The following THSD7B variants were observed in gnomAD, a reference collection of about 807,000 sequenced individuals.
THSD7B encodes thrombospondin type 1 domain containing 7B, also known as thrombospondin type-1 domain-containing protein 7B.
In THSD7B, 138 loss-of-function variants were observed where a neutral mutation model predicts 213.6. The ratio of observed to expected loss-of-function variants is 0.65; its 90% CI spans 0.56 to 0.74. The LOEUF (loss-of-function observed/expected upper bound fraction) is 0.74. Ranked by LOEUF, THSD7B falls within the 30% of genes least tolerant of loss-of-function variation. The probability of loss-of-function intolerance (pLI) is 0.00; values close to 1 mark genes in which losing one functional copy is unlikely to be tolerated. For missense variants in THSD7B, 1,931 were observed against 1,991.5 expected, an observed-to-expected ratio of 0.97 and a Z score of 0.58; for synonymous variants, 742 against 687.0, an observed-to-expected ratio of 1.08 and a Z score of -1.25.
At chr2:137,214,150 G>T (rs1402654162) in intron 7 of THSD7B, among the ~76,000 whole-genome samples, 1 of 151,968 alleles carries the variant, frequency 6.6e-6, no homozygotes, top group Non-Finnish European at 1.5e-5. Context: ...TGTGTTAATG[G>T]CAGTGTATAT....
At chr2:137,327,846 T>TG (rs1558759229) in intron 12 of THSD7B, among the ~76,000 whole-genome samples, 1 of 152,204 alleles carries the variant, frequency 6.6e-6, no homozygotes, top group Non-Finnish European at 1.5e-5. Context: ...GCTGTCAACA[T>TG]CCACAGATGT....
Position 137,667,726 on chromosome 2 carries a change from G to T in THSD7B, c.4652-48G>T, listed in dbSNP as rs78943050. 4.0e-4 allele frequency: 595 copies of T among 1,484,302 alleles called. 5 individuals are homozygous for T. The East Asian group carries it at 0.013, about 34-fold the overall frequency. 91.9% of individuals were successfully genotyped at this position (1,484,302 alleles called of 1,614,324 possible). ...GATGTTGCCCTATCTCTCAAATGCT[G>T]CAGACTTCTGTATGCTAAGCTTCTT... On this transcript the variant is annotated intron_variant, in intron 26 of 27. Transcript: ENST00000409968.
At chr2:137,315,574 G>A (rs558939978) in intron 12 of THSD7B, among the ~76,000 whole-genome samples, 6 of 151,874 alleles carry the variant, frequency 4.0e-5, no homozygotes, top group East Asian at 1.9e-4. Context: ...TTTCAGTAGC[G>A]TCTCTATCAA....
At chr2:136,858,114 C>T (rs1683203267) in intron 1 of THSD7B, among the ~76,000 whole-genome samples, 1 of 152,094 alleles carries the variant, frequency 6.6e-6, no homozygotes, top group African/African-American at 2.4e-5. Context: ...TAATTGAAAA[C>T]AGCATTGGAG....
chr2:136,843,195 G>A (rs563273779), intron 1 of THSD7B, among the ~76,000 whole-genome samples: 4 of 150,296 alleles, frequency 2.7e-5, no homozygotes, highest in African/African-American at 7.4e-5. Flanking sequence ...TTCTATTGTC[G>A]AGGGTAATCA....
At chr2:137,662,652 T>G (rs1284988124) in intron 25 of THSD7B, among the ~76,000 whole-genome samples, 2 of 152,164 alleles carry the variant, frequency 1.3e-5, no homozygotes, top group South Asian at 2.1e-4. Context: ...TCCCTGTTGC[T>G]TTGCTTCTCA....
intron 2 of THSD7B, among the ~76,000 whole-genome samples, chr2:136,999,105 G>A (rs527386359): frequency 3.7e-4 from 56 of 152,100 alleles, no homozygotes; most frequent in African/African-American, 1.3e-3. Flanking sequence ...GGACTTCATT[G>A]TATTTTGCCT....
At chr2:136,842,538 C>T (rs1254503981) in intron 1 of THSD7B, among the ~76,000 whole-genome samples, 1 of 152,162 alleles carries the variant, frequency 6.6e-6, no homozygotes, top group Non-Finnish European at 1.5e-5. Context: ...GATAATAAAA[C>T]CCCTAGTTTC....
intron 2 of THSD7B, among the ~76,000 whole-genome samples, chr2:137,025,947 A>G (rs1303153856): frequency 1.3e-5 from 2 of 152,188 alleles, no homozygotes; most frequent in Non-Finnish European, 2.9e-5. Context: ...TTTTTGTCAC[A>G]TAAAGAATAC....
At chr2:137,611,127 T>G (rs1211123111) in intron 17 of THSD7B, among the ~76,000 whole-genome samples, 6 of 151,732 alleles carry the variant, frequency 4.0e-5, no homozygotes, top group African/African-American at 1.4e-4. Context: ...GTCTATGTAA[T>G]GGAAAAATTC....
At chr2:137,601,608 C>T (rs1339650382) in intron 17 of THSD7B, among the ~76,000 whole-genome samples, 2 of 152,164 alleles carry the variant, frequency 1.3e-5, no homozygotes, top group African/African-American at 4.8e-5. Context: ...TTTCTCAGAA[C>T]ATATCCCCGT....
intron 10 of THSD7B, among the ~76,000 whole-genome samples, chr2:137,267,028 CT>C (rs1682606297): frequency 6.6e-6 from 1 of 152,172 alleles, no homozygotes. Context: ...TTTCTTCTCG[CT>C]TTGCTATCAT....
At chr2:137,440,134 G>C (rs1687372701) in intron 14 of THSD7B, among the ~76,000 whole-genome samples, 1 of 152,274 alleles carries the variant, frequency 6.6e-6, no homozygotes, top group South Asian at 2.1e-4. Flanking sequence ...AGCAGTGGAA[G>C]TTAATCCACC....
In THSD7B at chr2:137,623,305, A is replaced by G. The variant is rs1465377487; in HGVS notation, c.3799+2579A>G. Among the ~76,000 whole-genome samples the G allele has an allele frequency of 2.0e-5, 3 of 152,172 alleles. No individual in the cohort carries two copies. The East Asian group carries it at 5.8e-4, about 29-fold the overall frequency. ...CCTTCATGCTAAAAACTCTCAATAA[A>G]CTAGGTATTGATGGGACATATCTCA... On this transcript the variant is annotated intron_variant, in intron 20 of 27. Transcript: ENST00000409968.
intron 2 of THSD7B, among the ~76,000 whole-genome samples, chr2:136,967,481 C>T (rs1558870610): frequency 6.6e-6 from 1 of 152,186 alleles, no homozygotes; most frequent in Non-Finnish European, 1.5e-5. Context: ...TTGTTCCAGA[C>T]TTCATGTCCT....
At chr2:136,945,757 C>T (rs998549243) in intron 2 of THSD7B, among the ~76,000 whole-genome samples, 6 of 151,802 alleles carry the variant, frequency 4.0e-5, no homozygotes, top group East Asian at 1.9e-4. Context: ...TCCACTTGAT[C>T]GAATTGGCTA....
intron 10 of THSD7B, among the ~76,000 whole-genome samples, chr2:137,264,225 A>G (rs1014923766): frequency 4.0e-5 from 6 of 150,884 alleles, no homozygotes; most frequent in African/African-American, 1.5e-4. Context: ...TTTGCTGTCT[A>G]TAGTATTGAC....
intron 7 of THSD7B, among the ~76,000 whole-genome samples, chr2:137,215,006 A>C (rs1299174353): frequency 6.6e-6 from 1 of 152,190 alleles, no homozygotes; most frequent in Non-Finnish European, 1.5e-5. Context: ...AGGAATCCCT[A>C]CACTGTCTTC....
chr2:136,984,579 T>C (rs549834), intron 2 of THSD7B, among the ~76,000 whole-genome samples: 152,312 of 152,322 alleles, frequency 1, 76,151 homozygotes, highest in Middle Eastern at 1. Flanking sequence ...TGTAGAACCA[T>C]GATCTAATTA....
Sources: allele counts gnomAD v4.1 joint callset (sites outside exome capture counted in the v4.1 genomes callset), GRCh38; gene constraint gnomAD v4.1.1; transcripts MANE v1.5; gene names NCBI Gene and HGNC (gene_info 2026-07-23, HGNC 2026-07-21).